Variants in PRKCB observed in about 807,000 individuals in gnomAD.
The protein encoded by PRKCB is protein kinase C beta.
Under a neutral mutation model 81.5 loss-of-function variants are expected in PRKCB, and 13 were observed. That is an observed-to-expected ratio of 0.16 (90% confidence interval 0.10 to 0.25). The LOEUF is 0.25. PRKCB is among the 10% of genes least tolerant of loss of function. The pLI is 1.00. For synonymous variants in PRKCB, 335 were observed against 321.4 expected (o/e 1.04, Z -0.45); for missense variants, 509 against 875.7 (o/e 0.58, Z 5.29).
At chr16:23,985,237 G>A (rs1964789642) in intron 2 of PRKCB, among the ~76,000 whole-genome samples, 1 of 152,012 alleles carries the variant, frequency 6.6e-6, no homozygotes, top group Admixed American at 6.6e-5. Flanking sequence ...ACTACTACAG[G>A]CACCTACCAC....
chr16:23,915,689 C>CAA (rs71154259), intron 2 of PRKCB, among the ~76,000 whole-genome samples: 28,723 of 54,104 alleles, frequency 0.53, 8,816 homozygotes, highest in Middle Eastern at 0.68. Context: ...GACTCTCTAT[C>CAA]AAAAAAAAAA....
chr16:24,035,430 A>G lies in PRKCB; in HGVS notation c.412A>G (p.Asn138Asp), dbSNP rs1164845499. Reference sequence around the variant, plus strand: ...CTCTGCCCTCACAGCCTGCATGATGAATGTGCACAAGCGCTGCGTGATGAA... The same window carrying G: ...CTCTGCCCTCACAGCCTGCATGATGGATGTGCACAAGCGCTGCGTGATGAA... ...QGMKCDTCMM[N>D]VHKRCVMNVP... The change falls in exon 5 of 17, where the codon AAT (asparagine) becomes GAT (aspartate). Residue 138 changes from asparagine to aspartate, a missense_variant. Coordinates refer to ENST00000643927, the MANE Select transcript of PRKCB (RefSeq NM_002738.7). 3 of 1,613,854 alleles carry G rather than the reference A, an allele frequency of 1.9e-6. No homozygotes were observed. Among genetic ancestry groups the G allele is most frequent in the Non-Finnish European group, 8.5e-7 (1 of 1,179,860 alleles).
At position 23,869,255 on chromosome 16, in the gene PRKCB, C is replaced by T. The variant is rs1166501598; in HGVS notation, c.205+31849C>T. The T allele has an allele frequency of 4.8e-5, 17 of 357,502 alleles. 1 individual carries two copies. The highest frequency in any genetic ancestry group is 3.3e-4 in the South Asian group (16 of 48,862). The allele number at this position is 357,502 out of a possible 1,614,324, so 22.1% of individuals were successfully genotyped here. ...TGTTCTTCCCACCTCTGCCACAAGA[C>T]CAAGAAAGGGCTGTTGCCTCAGCTG... is the stretch of plus-strand genomic sequence containing the variant. On this transcript the variant is annotated intron_variant, in intron 2 of 16. Coordinates refer to ENST00000643927, the MANE Select transcript of PRKCB (RefSeq NM_002738.7).
intron 5 of PRKCB, among the ~76,000 whole-genome samples, chr16:24,060,559 G>A (rs1398548699): frequency 6.6e-6 from 1 of 152,178 alleles, no homozygotes; most frequent in African/African-American, 2.4e-5. Flanking sequence ...AGGCACTCCT[G>A]CCCCAAGCCA....
chr16:23,997,162 C>T (rs536605560), intron 3 of PRKCB, among the ~76,000 whole-genome samples: 7 of 152,244 alleles, frequency 4.6e-5, no homozygotes, highest in Admixed American at 2.6e-4. Context: ...GGTTCCCATG[C>T]CTCTGAGTTA....
intron 2 of PRKCB, among the ~76,000 whole-genome samples, chr16:23,980,798 A>AATATATATATATATCTATATATATATAT (rs1964689078): frequency 6.7e-6 from 1 of 148,702 alleles, no homozygotes; most frequent in African/African-American, 2.5e-5. Flanking sequence ...CTCCAAACAG[A>AATATATATATATATCTATATATATATAT]ATATATATAT....
intron 5 of PRKCB, among the ~76,000 whole-genome samples, chr16:24,062,428 T>A (rs1331023921): frequency 1.3e-5 from 2 of 152,242 alleles, no homozygotes; most frequent in African/African-American, 4.8e-5. Flanking sequence ...TCTGTTTGCA[T>A]CGCATTGGCT....
intron 2 of PRKCB, among the ~76,000 whole-genome samples, chr16:23,959,433 G>T (rs1465096224): frequency 6.6e-6 from 1 of 152,102 alleles, no homozygotes; most frequent in Non-Finnish European, 1.5e-5. Flanking sequence ...GTGTCATTGG[G>T]GTAGGACCAA....
At chr16:23,923,675 A>G (rs757712487) in intron 2 of PRKCB, among the ~76,000 whole-genome samples, 11 of 152,116 alleles carry the variant, frequency 7.2e-5, no homozygotes, top group African/African-American at 1.9e-4. Flanking sequence ...AGTTACTAAC[A>G]TGCTACCCCC....
At chr16:23,897,077 T>G (rs779088984) in intron 2 of PRKCB, among the ~76,000 whole-genome samples, 9 of 152,172 alleles carry the variant, frequency 5.9e-5, no homozygotes, top group African/African-American at 9.7e-5. Flanking sequence ...CTGTGCCAGG[T>G]GTTGATCACA....
chr16:23,948,085 G>C (rs1964228246), intron 2 of PRKCB, among the ~76,000 whole-genome samples: 1 of 152,100 alleles, frequency 6.6e-6, no homozygotes, highest in Non-Finnish European at 1.5e-5. Flanking sequence ...TGTTTGATCT[G>C]TTCTGGAGGG....
At chr16:24,151,028 T>C (rs190243861) in intron 9 of PRKCB, among the ~76,000 whole-genome samples, 1 of 152,358 alleles carries the variant, frequency 6.6e-6, no homozygotes, top group African/African-American at 2.4e-5. Context: ...CACATAGCAT[T>C]GCTGATTTGC....
chr16:24,128,527 T>C (rs1966848509), intron 9 of PRKCB, among the ~76,000 whole-genome samples: 1 of 152,178 alleles, frequency 6.6e-6, no homozygotes, highest in Non-Finnish European at 1.5e-5. Context: ...TTCAAAATCT[T>C]TCAAAAGAAG....
intron 12 of PRKCB, 65 bp downstream of exon 12, chr16:24,174,645 T>C (rs1967500615): frequency 1.4e-6 from 2 of 1,387,678 alleles, no homozygotes; most frequent in Admixed American, 1.9e-5. Context: ...CCCTGCCTCT[T>C]TCTTCAGCTG....
chr16:24,153,076 G>T (rs1036312641), intron 9 of PRKCB, among the ~76,000 whole-genome samples: 1 of 152,192 alleles, frequency 6.6e-6, no homozygotes, highest in African/African-American at 2.4e-5. Flanking sequence ...GGAAGCTTCT[G>T]TGCATGAGTT....
chr16:23,924,831 G>A lies in PRKCB; in HGVS notation c.206-63677G>A, dbSNP rs566612390. On this transcript the variant is annotated intron_variant, in intron 2 of 16. Transcript: ENST00000643927. ...TATACATGTAGGAAAACATCATGTT[G>A]TACACTACAGATGTATACAATTTTT... 2.6e-4 allele frequency among the ~76,000 whole-genome samples: 39 copies of A among 152,150 alleles called. No individual in the cohort carries two copies. In the South Asian group the frequency reaches 7.7e-3, roughly 30 times the overall value.
At chr16:24,123,006 T>G (rs990403786) in intron 8 of PRKCB, among the ~76,000 whole-genome samples, 1 of 152,172 alleles carries the variant, frequency 6.6e-6, no homozygotes, top group Non-Finnish European at 1.5e-5. Context: ...ATACTAGTTG[T>G]CAGGAAAACC....
chr16:23,931,239 A>T (rs1228746605), intron 2 of PRKCB, among the ~76,000 whole-genome samples: 2 of 152,136 alleles, frequency 1.3e-5, no homozygotes, highest in East Asian at 1.9e-4. Context: ...TCCAAGAGGG[A>T]TGCCATGGTT....
Position 24,216,536 on chromosome 16 carries a change from C to T in PRKCB, c.*1720C>T. ...AGTTCCAGGGCTTCTGAGAGACCAT[C>T]AAGGGAACTTTAACAACTTGACAAA... is the stretch of plus-strand genomic sequence containing the variant. On this transcript the variant is annotated 3_prime_UTR_variant, in exon 17 of 17. Transcript: ENST00000643927. 1 of 985,402 alleles carries T rather than the reference C, an allele frequency of 1.0e-6. No homozygotes were observed. Among genetic ancestry groups the T allele is most frequent in the Non-Finnish European group, 1.2e-6 (1 of 829,940 alleles). 61.0% of individuals were successfully genotyped at this position (985,402 alleles called of 1,614,324 possible).
Sources: gnomAD v4.1 joint callset for allele counts (sites outside exome capture counted in the v4.1 genomes callset) on GRCh38, gnomAD v4.1.1 for gene constraint, MANE v1.5 for transcripts, NCBI Gene and HGNC (gene_info 2026-07-23, HGNC 2026-07-21) for gene names.